Variants in SPATA9 observed in about 807,000 individuals in gnomAD.
SPATA9 encodes the protein spermatogenesis-associated protein 9.
SPATA9 carries 27 observed loss-of-function variants against 25.5 expected under a neutral mutation model. That is an observed-to-expected ratio of 1.06 (90% CI 0.78 to 1.46). SPATA9 has a LOEUF of 1.46. SPATA9 is among the 40% of genes most tolerant of loss of function. The pLI, the probability that SPATA9 is intolerant of heterozygous loss-of-function variation, is 0.00. For synonymous variants in SPATA9, 102 were observed against 105.7 expected (o/e 0.97, Z 0.21); for missense variants, 282 against 297.5 (o/e 0.95, Z 0.38).
chr5:95,709,990 T>C, the SPATA9 span, among the ~76,000 whole-genome samples: 2 of 152,300 alleles, frequency 1.3e-5, no homozygotes, highest in East Asian at 3.9e-4. Context: ...ACATGCACAG[T>C]AGCAAAGGTG....
chr5:95,673,980 T>C (rs796179255), intron 3 of SPATA9, among the ~76,000 whole-genome samples: 304 of 152,190 alleles, frequency 2.0e-3, no homozygotes, highest in African/African-American at 6.7e-3. Flanking sequence ...GCTCAAAGGA[T>C]CCGCCCGCCT....
At chr5:95,731,963 C>CCGGGGA in the SPATA9 span, 1 of 1,614,172 alleles carries the variant, frequency 6.2e-7, no homozygotes, top group South Asian at 1.1e-5. Context: ...CCTCTGGTCT[C>CCGGGGA]CGGGGACGAG....
At chr5:95,692,087 A>G (rs1042447839) in intron 1 of SPATA9, among the ~76,000 whole-genome samples, 1 of 152,136 alleles carries the variant, frequency 6.6e-6, no homozygotes, top group Admixed American at 6.5e-5. Context: ...TTTCATTTAT[A>G]ATTTTTGCCA....
chr5:95,729,522 T>C, the SPATA9 span, among the ~76,000 whole-genome samples: 5 of 152,230 alleles, frequency 3.3e-5, no homozygotes, highest in Non-Finnish European at 7.3e-5. Context: ...TGTTCTAGTG[T>C]TCAGTACACG....
the SPATA9 span, among the ~76,000 whole-genome samples, chr5:95,721,570 T>C: frequency 1.3e-5 from 2 of 151,942 alleles, no homozygotes; most frequent in Non-Finnish European, 2.9e-5. Context: ...CACAAATGCA[T>C]ATGTTTTAAT....
the SPATA9 span, chr5:95,730,929 G>A: frequency 2.0e-5 from 9 of 460,688 alleles, no homozygotes; most frequent in Non-Finnish European, 3.5e-5. Flanking sequence ...CAAGAGGGGG[G>A]GAAATCGGGT....
chr5:95,722,951 A>G, the SPATA9 span, among the ~76,000 whole-genome samples: 3 of 152,246 alleles, frequency 2.0e-5, no homozygotes, highest in African/African-American at 7.2e-5. Context: ...TTTTAACTGT[A>G]AAACCAAACA....
chr5:95,730,865 G>C, the SPATA9 span: 3 of 455,548 alleles, frequency 6.6e-6, no homozygotes, highest in African/African-American at 4.0e-5. Flanking sequence ...CAGCTGTAGC[G>C]CATGTTGACA....
rs79589737 is a variant in SPATA9 at position 95,674,187 on chromosome 5, G to A, written c.378+1225C>T. ...TGCTGCTCTCAGGCAATTTGTAGCT[G>A]AAATATATGATGATTTCTAGAAATG... is the stretch of plus-strand genomic sequence containing the variant. On this transcript the variant is annotated intron_variant, in intron 3 of 4. Transcript: ENST00000274432. 1.3e-3 allele frequency among the ~76,000 whole-genome samples: 192 copies of A among 152,296 alleles called. 2 individuals are homozygous for A. In the East Asian group the frequency reaches 0.035, roughly 28 times the overall value.
the SPATA9 span, among the ~76,000 whole-genome samples, chr5:95,722,853 T>G: frequency 6.6e-6 from 1 of 152,210 alleles, no homozygotes; most frequent in African/African-American, 2.4e-5. Context: ...TTACCAGATT[T>G]CTTTGGAGTT....
downstream of SPATA9, chr5:95,655,833 A>T (rs1750720569): frequency 2.0e-6 from 1 of 500,822 alleles, no homozygotes; most frequent in Non-Finnish European, 3.5e-6. Flanking sequence ...CAGTCTTCTG[A>T]TAGAGCTCTA....
chr5:95,715,321 T>TAAAAAA, the SPATA9 span, among the ~76,000 whole-genome samples: 1 of 125,692 alleles, frequency 8.0e-6, no homozygotes, highest in Admixed American at 8.3e-5. Flanking sequence ...AGATTCCATC[T>TAAAAAA]CAAAAAAAAA....
chr5:95,731,535 C>T, the SPATA9 span: 4 of 1,384,602 alleles, frequency 2.9e-6, no homozygotes, highest in East Asian at 1.2e-4. Context: ...CGGCCCCGCT[C>T]TGCGTCGGCC....
chr5:95,705,306 A>G, the SPATA9 span, among the ~76,000 whole-genome samples: 17 of 152,276 alleles, frequency 1.1e-4, no homozygotes, highest in Admixed American at 1.0e-3. Context: ...GCCAAAGGCC[A>G]CATCCCTTAA....
the SPATA9 span, chr5:95,731,695 G>A: frequency 6.2e-7 from 1 of 1,613,182 alleles, no homozygotes; most frequent in South Asian, 1.1e-5. Context: ...GTACGTACGC[G>A]CCGCCGTCCT....
At chr5:95,717,883 A>C in the SPATA9 span, 6 of 152,228 alleles carry the variant, frequency 3.9e-5, no homozygotes, top group African/African-American at 1.2e-4. Context: ...ACAGTTAAGC[A>C]GGTATTTGGT....
chr5:95,721,317 G>A, the SPATA9 span, among the ~76,000 whole-genome samples: 1 of 152,170 alleles, frequency 6.6e-6, no homozygotes, highest in South Asian at 2.1e-4. Context: ...CACTGAGAAA[G>A]GTCTAAGTGT....
At chr5:95,716,649 T>C in the SPATA9 span, among the ~76,000 whole-genome samples, 1 of 152,176 alleles carries the variant, frequency 6.6e-6, no homozygotes, top group Non-Finnish European at 1.5e-5. Flanking sequence ...TTTGGGGAAC[T>C]GTTGGGAAGG....
the SPATA9 span, among the ~76,000 whole-genome samples, chr5:95,715,186 T>C: frequency 6.6e-6 from 1 of 151,858 alleles, no homozygotes; most frequent in African/African-American, 2.4e-5. Context: ...TAGCTGGGCG[T>C]GGTGGTGCAT....
Sources: gnomAD v4.1 joint callset for allele counts (sites outside exome capture counted in the v4.1 genomes callset) on GRCh38, gnomAD v4.1.1 for gene constraint, MANE v1.5 for transcripts, NCBI Gene and HGNC (gene_info 2026-07-23, HGNC 2026-07-21) for gene names.